The following TDRP variants were observed in gnomAD, a reference collection of about 807,000 sequenced individuals.
The protein encoded by TDRP is testis development related protein.
TDRP carries 12 observed loss-of-function variants against 10.5 expected under a neutral mutation model. That is an observed-to-expected ratio of 1.15 (90% CI 0.73 to 1.86). The LOEUF (loss-of-function observed/expected upper bound fraction) is 1.86, where lower values mean the gene tolerates loss of function less well. Ranked by LOEUF, TDRP falls within the 40% of genes most tolerant of loss-of-function variation. The probability of loss-of-function intolerance (pLI) is 0.00; values close to 1 mark genes in which losing one functional copy is unlikely to be tolerated. For missense variants in TDRP, 353 were observed against 229.2 expected (o/e 1.54, Z -3.49); for synonymous variants, 139 against 95.4 (o/e 1.46, Z -2.67).
chr8:506,392 G>A (rs1398708291), intron 1 of TDRP, among the ~76,000 whole-genome samples: 2 of 152,296 alleles, frequency 1.3e-5, no homozygotes, highest in East Asian at 3.9e-4. Flanking sequence ...AGCTCCAAGT[G>A]GAACGACTTT....
chr8:492,433 C>G lies in TDRP; in HGVS notation c.524G>C (p.Gly175Ala), dbSNP rs1271295352. The change falls in exon 3 of 3, where the codon GGC (glycine) becomes GCC (alanine). Residue 175 changes from glycine (G) to alanine (A), a missense_variant. Physicochemically the swap from Gly to Ala is moderately conservative, Grantham distance 60. Coordinates refer to ENST00000324079, the MANE Select transcript of TDRP (RefSeq NM_001384899.1). ...RLVSIRRQSK[G>A]HLTDSPEEAE ...CTCCTCCGGGCTATCTGTCAGGTGGCCTTTACTCTGCCGTCGGATGCTCAC... is the reference window on the plus strand; with the variant it reads ...CTCCTCCGGGCTATCTGTCAGGTGGGCTTTACTCTGCCGTCGGATGCTCAC... The G allele has an allele frequency of 1.3e-6, 2 of 1,582,118 alleles. No individual in the cohort carries two copies. Among genetic ancestry groups the G allele is most frequent in the South Asian group, 1.2e-5 (1 of 86,778 alleles).
intron 1 of TDRP, among the ~76,000 whole-genome samples, chr8:501,585 G>A (rs866241714): frequency 6.6e-5 from 10 of 152,106 alleles, no homozygotes; most frequent in Non-Finnish European, 1.5e-5. Flanking sequence ...GCCCTCAAGC[G>A]ATCCAACCGC....
intron 1 of TDRP, among the ~76,000 whole-genome samples, chr8:504,298 C>G (rs922544861): frequency 3.3e-5 from 5 of 152,168 alleles, no homozygotes; most frequent in Admixed American, 2.6e-4. Context: ...AGCACTGGGT[C>G]TTGTGTTTCC....
At chr8:509,693 A>G (rs112028376) in intron 1 of TDRP, among the ~76,000 whole-genome samples, 4,152 of 152,234 alleles carry the variant, frequency 0.027, 100 homozygotes, top group Non-Finnish European at 0.043. Flanking sequence ...TGCCCTGGAG[A>G]CAATTTCCCT....
At chr8:541,738 T>C (rs1275900209) in intron 1 of TDRP, among the ~76,000 whole-genome samples, 1 of 152,144 alleles carries the variant, frequency 6.6e-6, no homozygotes, top group Non-Finnish European at 1.5e-5. Flanking sequence ...GGACAAAGTC[T>C]ACATACTGAC....
intron 1 of TDRP, among the ~76,000 whole-genome samples, chr8:544,311 T>C (rs1802578030): frequency 6.6e-6 from 1 of 151,710 alleles, no homozygotes; most frequent in Non-Finnish European, 1.5e-5. Context: ...GCGCACTGCG[T>C]CCCCGCTCTC....
intron 1 of TDRP, among the ~76,000 whole-genome samples, chr8:534,381 T>C (rs1052872539): frequency 2.6e-5 from 4 of 152,202 alleles, no homozygotes; most frequent in East Asian, 1.9e-4. Context: ...TCATCAACAA[T>C]GTGTGACCTT....
At chr8:542,002 G>A (rs566756781) in intron 1 of TDRP, among the ~76,000 whole-genome samples, 4 of 152,238 alleles carry the variant, frequency 2.6e-5, no homozygotes, top group South Asian at 2.1e-4. Context: ...TTGCCAAAAC[G>A]TGAAAGCAAC....
chr8:500,615 T>C (rs1359346378), intron 1 of TDRP, among the ~76,000 whole-genome samples: 1 of 152,240 alleles, frequency 6.6e-6, no homozygotes, highest in African/African-American at 2.4e-5. Flanking sequence ...ACAGTGTCAT[T>C]TGCGTTTTCT....
intron 1 of TDRP, among the ~76,000 whole-genome samples, chr8:533,378 C>G (rs1372775408): frequency 6.6e-6 from 1 of 152,184 alleles, no homozygotes; most frequent in Non-Finnish European, 1.5e-5. Context: ...ACGCCCTTCT[C>G]CTGACAACCC....
At chr8:519,558 A>C (rs1004249999) in intron 1 of TDRP, among the ~76,000 whole-genome samples, 1 of 152,104 alleles carries the variant, frequency 6.6e-6, no homozygotes, top group African/African-American at 2.4e-5. Context: ...CTCTATATAC[A>C]GACTGAAAAA....
intron 1 of TDRP, among the ~76,000 whole-genome samples, chr8:496,057 G>A (rs900086895): frequency 6.6e-6 from 1 of 152,214 alleles, no homozygotes; most frequent in Admixed American, 6.5e-5. Flanking sequence ...CCACGCCAAA[G>A]AAACCATCAC....
At chr8:496,344 C>T (rs1270467792) in intron 1 of TDRP, among the ~76,000 whole-genome samples, 1 of 152,220 alleles carries the variant, frequency 6.6e-6, no homozygotes, top group Non-Finnish European at 1.5e-5. Context: ...GAACATAATT[C>T]TAGAGGCTAA....
chr8:535,458 G>T (rs1001455403), intron 1 of TDRP, among the ~76,000 whole-genome samples: 1 of 152,086 alleles, frequency 6.6e-6, no homozygotes, highest in African/African-American at 2.4e-5. Flanking sequence ...CGACCTCCCT[G>T]CCCTGAGCAG....
chr8:492,088 T>C lies in TDRP; in HGVS notation c.*311A>G. On this transcript the variant is annotated 3_prime_UTR_variant, in exon 3 of 3. Transcript: ENST00000324079. The stretch of plus-strand genomic sequence containing the variant: ...ACAGAGCAGCATGAAAATCATTTTG[T>C]GAGAAACTGCAAATCATTACTGCTG... 8.5e-7 allele frequency: 1 copy of C among 1,173,714 alleles called. No individual in the cohort carries two copies. Among genetic ancestry groups the C allele is most frequent in the Non-Finnish European group, 1.1e-6 (1 of 951,680 alleles). The allele number at this position is 1,173,714 out of a possible 1,614,324, so 72.7% of individuals were successfully genotyped here. A position where few individuals can be genotyped will look rare whatever the true frequency, so the allele number is the denominator to read the frequency against.
intron 1 of TDRP, among the ~76,000 whole-genome samples, chr8:525,030 T>C (rs1469238101): frequency 1.3e-5 from 2 of 152,040 alleles, no homozygotes; most frequent in African/African-American, 4.8e-5. Flanking sequence ...ATCAAACTCC[T>C]AAAGACCAAA....
chr8:516,959 T>C (rs967279601), intron 1 of TDRP, among the ~76,000 whole-genome samples: 1 of 152,174 alleles, frequency 6.6e-6, no homozygotes, highest in East Asian at 1.9e-4. Context: ...TGAAAAGACA[T>C]GAAGGAATCT....
At chr8:545,754 C>T (rs1400327035), upstream of TDRP, 4 of 149,902 alleles carry the variant, frequency 2.7e-5, no homozygotes, top group East Asian at 4.0e-4. Context: ...CCGCTGGGGC[C>T]TGGGGCGCCG....
At chr8:516,405 T>A (rs962428632) in intron 1 of TDRP, among the ~76,000 whole-genome samples, 3 of 152,176 alleles carry the variant, frequency 2.0e-5, no homozygotes, top group African/African-American at 7.2e-5. Flanking sequence ...CAAGGAACTC[T>A]TAAAACCCAA....
Sources: gnomAD v4.1 joint callset for allele counts (sites outside exome capture counted in the v4.1 genomes callset) on GRCh38, gnomAD v4.1.1 for gene constraint, MANE v1.5 for transcripts, NCBI Gene and HGNC (gene_info 2026-07-23, HGNC 2026-07-21) for gene names.